DOCK8: variants seen among roughly 807,000 people sequenced by gnomAD.
DOCK8 encodes the protein dedicator of cytokinesis protein 8.
In DOCK8, 141 loss-of-function variants were observed where a neutral mutation model predicts 245.6. The ratio of observed to expected loss-of-function variants is 0.57; its 90% CI spans 0.50 to 0.66. The LOEUF is 0.66. Among genes scored for constraint, DOCK8 ranks in the 30% least tolerant of loss-of-function variants. The pLI is 0.00. For missense variants in DOCK8, 2,965 were observed against 2,603.4 expected (o/e 1.14, Z -3.02); for synonymous variants, 1,168 against 970.2 (o/e 1.20, Z -3.79).
At chr9:232,690 G>A (rs1169700833) in intron 1 of DOCK8, among the ~76,000 whole-genome samples, 1 of 152,172 alleles carries the variant, frequency 6.6e-6, no homozygotes, top group Non-Finnish European at 1.5e-5. Context: ...GCAAAGAGGT[G>A]TTTATAGTAT....
rs10969701 is a variant in DOCK8, at chr9:314,844, A to G, written c.742-2199A>G. On this transcript the variant is annotated intron_variant, in intron 6 of 47. Coordinates refer to ENST00000432829, the MANE Select transcript of DOCK8 (RefSeq NM_203447.4). Reference sequence around the variant, plus strand: ...TCATTACTTGATTTCCCTGTAAGGAAAGTTAGAAGAGAGGTAAACTAGTAT... The same window carrying G: ...TCATTACTTGATTTCCCTGTAAGGAGAGTTAGAAGAGAGGTAAACTAGTAT... Among the ~76,000 whole-genome samples the G allele has an allele frequency of 1.3e-4, 20 of 152,334 alleles. No individual in the cohort carries two copies. The East Asian group carries it at 3.9e-3, about 29-fold the overall frequency.
chr9:239,991 AT>A (rs1395281089), intron 1 of DOCK8, among the ~76,000 whole-genome samples: 1 of 152,214 alleles, frequency 6.6e-6, no homozygotes, highest in Non-Finnish European at 1.5e-5. Context: ...CACTGAATAA[AT>A]TTATGCATTC....
intron 1 of DOCK8, among the ~76,000 whole-genome samples, chr9:243,153 G>A (rs187806761): frequency 6.6e-6 from 1 of 152,126 alleles, no homozygotes; most frequent in East Asian, 1.9e-4. Flanking sequence ...CAGCCTTCAG[G>A]GGCTTAATCA....
chr9:340,483 T>C, intron 14 of DOCK8, 162 bp downstream of exon 14: 7 of 840,248 alleles, frequency 8.3e-6, no homozygotes, highest in Non-Finnish European at 1.3e-5. Flanking sequence ...TAGCTGGGCA[T>C]GGTGGTGCAT....
chr9:261,418 G>A (rs1227794687), intron 1 of DOCK8, among the ~76,000 whole-genome samples: 1 of 152,198 alleles, frequency 6.6e-6, no homozygotes, highest in Non-Finnish European at 1.5e-5. Flanking sequence ...AGATGTTTTA[G>A]AGCTAGTATG....
intron 1 of DOCK8, among the ~76,000 whole-genome samples, chr9:267,606 G>A (rs494637): frequency 0.46 from 69,262 of 152,054 alleles, 16,398 homozygotes; most frequent in East Asian, 0.79. Context: ...AAGGATTTCT[G>A]ATCCTTGTAG....
At chr9:306,613 C>T (rs528331078) in intron 5 of DOCK8, among the ~76,000 whole-genome samples, 19 of 152,246 alleles carry the variant, frequency 1.2e-4, no homozygotes, top group African/African-American at 4.1e-4. Context: ...CTGGGGTATA[C>T]GGCAGTGGTT....
At chr9:216,484 G>A (rs2046755029) in intron 1 of DOCK8, among the ~76,000 whole-genome samples, 1 of 136,740 alleles carries the variant, frequency 7.3e-6, no homozygotes, top group Non-Finnish European at 1.5e-5. Flanking sequence ...CTGTGATCAT[G>A]CCACTGCATT....
chr9:402,587 A>C (rs2055162730), intron 26 of DOCK8, among the ~76,000 whole-genome samples: 1 of 152,226 alleles, frequency 6.6e-6, no homozygotes, highest in Non-Finnish European at 1.5e-5. Flanking sequence ...ATACAGGATG[A>C]ACTTCATACC....
At chr9:412,622 G>T (rs1393889973) in intron 28 of DOCK8, among the ~76,000 whole-genome samples, 8 of 152,058 alleles carry the variant, frequency 5.3e-5, no homozygotes, top group Admixed American at 2.0e-4. Flanking sequence ...CACTTACGAT[G>T]AGCAATCTGA....
intron 7 of DOCK8, among the ~76,000 whole-genome samples, chr9:322,612 A>G (rs898402288): frequency 1.3e-5 from 2 of 152,256 alleles, no homozygotes; most frequent in African/African-American, 2.4e-5. Context: ...AGCACTTATT[A>G]TAACACAATT....
intron 1 of DOCK8, among the ~76,000 whole-genome samples, chr9:264,817 T>C (rs1043522048): frequency 6.6e-6 from 1 of 152,238 alleles, no homozygotes; most frequent in African/African-American, 2.4e-5. Flanking sequence ...ACTCTTGAGA[T>C]AGATGTGTGT....
chr9:366,529 T>TG (rs2053010279), intron 14 of DOCK8: 1 of 152,220 alleles, frequency 6.6e-6, no homozygotes, highest in Non-Finnish European at 1.5e-5. Flanking sequence ...CTTTCCTTGA[T>TG]GTGGGATGTT....
intron 4 of DOCK8, among the ~76,000 whole-genome samples, chr9:290,796 TAAG>T (rs2049006691): frequency 1.3e-5 from 2 of 152,314 alleles, no homozygotes; most frequent in South Asian, 4.1e-4. Context: ...TATACCTCAG[TAAG>T]AATTACTATT....
chr9:302,379 C>T (rs549657592), intron 4 of DOCK8, among the ~76,000 whole-genome samples: 1 of 152,088 alleles, frequency 6.6e-6, no homozygotes, highest in African/African-American at 2.4e-5. Context: ...AATGTAAGAC[C>T]TAAGATTACA....
At chr9:345,255 AT>A (rs1175955077) in intron 14 of DOCK8, among the ~76,000 whole-genome samples, 1 of 152,320 alleles carries the variant, frequency 6.6e-6, no homozygotes, top group East Asian at 1.9e-4. Flanking sequence ...GGGCAGATAA[AT>A]TCAGGAATAT....
rs770069467 is a variant in DOCK8, at chr9:434,900, C to T, written c.5004C>T (p.Ala1668=). 33 of 1,613,790 alleles carry T rather than the reference C, an allele frequency of 2.0e-5. No homozygotes were observed. Among genetic ancestry groups the T allele is most frequent in the African/African-American group, 9.3e-5 (7 of 74,926 alleles). The change falls in exon 39 of 48, where the codon GCC becomes GCT. Residue 1668 remains alanine (A), a synonymous_variant. Transcript: ENST00000432829. ...YTEAAMCLVH[A]AALVAEYLSM... is the part of the protein sequence containing the mutation. The stretch of plus-strand genomic sequence containing the variant: ...AGGCTGCCATGTGCCTGGTGCACGC[C>T]GCTGCGTTAGTGGCTGAGTATCTGA...
intron 39 of DOCK8, among the ~76,000 whole-genome samples, chr9:435,276 G>T (rs1438685641): frequency 2.6e-4 from 39 of 151,894 alleles, no homozygotes; most frequent in Admixed American, 2.2e-3. Context: ...TCGTCGTTGG[G>T]TTTTTTTTAA....
At chr9:411,990 T>C (rs540557615) in intron 28 of DOCK8, among the ~76,000 whole-genome samples, 18 of 152,308 alleles carry the variant, frequency 1.2e-4, no homozygotes, top group East Asian at 3.9e-4. Context: ...GTGACACTTA[T>C]TAGTGAAAAA....
Sources: gnomAD v4.1 joint callset for allele counts (sites outside exome capture counted in the v4.1 genomes callset) on GRCh38, gnomAD v4.1.1 for gene constraint, MANE v1.5 for transcripts, NCBI Gene and HGNC (gene_info 2026-07-23, HGNC 2026-07-21) for gene names.